Variants in CTNND2 observed in about 807,000 individuals in gnomAD.
The protein encoded by CTNND2 is catenin delta-2.
In CTNND2, 22 loss-of-function variants were observed where a neutral mutation model predicts 144.4. The observed-to-expected ratio is 0.15, with a 90% CI of 0.11 to 0.22. The LOEUF (loss-of-function observed/expected upper bound fraction) is 0.22. Ranked by LOEUF, CTNND2 falls within the 10% of genes least tolerant of loss-of-function variation. The pLI, the probability that CTNND2 is intolerant of heterozygous loss-of-function variation, is 1.00. For synonymous variants in CTNND2, 751 were observed against 695.6 expected (o/e 1.08, Z -1.25); for missense variants, 1,353 against 1,618.8 (o/e 0.84, Z 2.82).
At position 11,513,966 on chromosome 5, in the gene CTNND2, C is replaced by G. The variant is rs182151792; in HGVS notation, c.287+50978G>C. ...CTATATATTTATAATTTTAAAAAAT[C>G]TAACAAGAAATGGGCCAGCCTGGGC... On this transcript the variant is annotated intron_variant, in intron 3 of 21. Coordinates refer to ENST00000304623, the MANE Select transcript of CTNND2 (RefSeq NM_001332.4). Among the ~76,000 whole-genome samples, 343 of 152,166 alleles carry G rather than the reference C, an allele frequency of 2.3e-3. 2 individuals carry two copies. The highest frequency in any genetic ancestry group is 7.9e-3 in the African/African-American group (326 of 41,510).
At position 11,594,280 on chromosome 5, in the gene CTNND2, C is replaced by T. The variant is rs570084992; in HGVS notation, c.175-29224G>A. Among the ~76,000 whole-genome samples the T allele has an allele frequency of 4.1e-4, 62 of 152,316 alleles. 3 individuals are homozygous for T. The South Asian group carries it at 0.013, about 31-fold the overall frequency. ...TCTCACACACATAACAGTGAGCAAG[C>T]TGCATTTGCTGGAATATATTAGGCT... is the stretch of plus-strand genomic sequence containing the variant. On this transcript the variant is annotated intron_variant, in intron 2 of 21. Transcript: ENST00000304623.
chr5:11,812,803 T>G (rs1340693764), intron 1 of CTNND2, among the ~76,000 whole-genome samples: 1 of 152,100 alleles, frequency 6.6e-6, no homozygotes, highest in Non-Finnish European at 1.5e-5. Context: ...GAGGACACAG[T>G]GCTGGGAACC....
intron 2 of CTNND2, among the ~76,000 whole-genome samples, chr5:11,721,034 T>C (rs1786647293): frequency 6.6e-6 from 1 of 152,178 alleles, no homozygotes; most frequent in South Asian, 2.1e-4. Flanking sequence ...AGCAACACTA[T>C]TCCCAATAGA....
intron 12 of CTNND2, among the ~76,000 whole-genome samples, chr5:11,141,626 G>A (rs780269544): frequency 1.3e-5 from 2 of 152,156 alleles, no homozygotes; most frequent in Non-Finnish European, 2.9e-5. Context: ...AGCTGGCAAA[G>A]GGAGAAAAAA....
At chr5:11,554,918 T>A (rs377370496) in intron 3 of CTNND2, among the ~76,000 whole-genome samples, 1 of 146,112 alleles carries the variant, frequency 6.8e-6, no homozygotes, top group African/African-American at 2.5e-5. Flanking sequence ...ATTATATATA[T>A]AAATATATCT....
At chr5:11,734,226 G>C (rs1234013816) in intron 1 of CTNND2, among the ~76,000 whole-genome samples, 2 of 152,176 alleles carry the variant, frequency 1.3e-5, no homozygotes, top group Non-Finnish European at 2.9e-5. Context: ...CAAGAGAGCA[G>C]CCATGACCTT....
At chr5:11,770,906 G>A (rs376567581) in intron 1 of CTNND2, among the ~76,000 whole-genome samples, 9 of 152,026 alleles carry the variant, frequency 5.9e-5, no homozygotes, top group African/African-American at 1.9e-4. Context: ...AAAAAGGAGG[G>A]GGGGACTAGT....
At chr5:11,574,022 T>G (rs1777777016) in intron 2 of CTNND2, among the ~76,000 whole-genome samples, 1 of 152,156 alleles carries the variant, frequency 6.6e-6, no homozygotes, top group Admixed American at 6.5e-5. Flanking sequence ...AGTAGCAATA[T>G]TATATGGGTG....
At chr5:11,570,133 C>T (rs761099175) in intron 2 of CTNND2, among the ~76,000 whole-genome samples, 13 of 152,138 alleles carry the variant, frequency 8.5e-5, no homozygotes, top group Non-Finnish European at 1.6e-4. Flanking sequence ...TATCAAACCC[C>T]AAACTCCTCC....
intron 3 of CTNND2, among the ~76,000 whole-genome samples, chr5:11,412,541 TTAAG>T: frequency 6.6e-6 from 1 of 152,214 alleles, no homozygotes; most frequent in South Asian, 2.1e-4. Flanking sequence ...ATTTAAGAGT[TTAAG>T]TAATTTAAAA....
At chr5:11,564,864 G>T (rs1776950334) in intron 3 of CTNND2, 80 bp downstream of exon 3, 4 of 916,094 alleles carry the variant, frequency 4.4e-6, no homozygotes, top group Non-Finnish European at 7.0e-6. Flanking sequence ...TCCACCACCG[G>T]GTTGGAAAGA....
At chr5:11,709,417 C>T (rs1379400067) in intron 2 of CTNND2, among the ~76,000 whole-genome samples, 1 of 152,228 alleles carries the variant, frequency 6.6e-6, no homozygotes, top group Non-Finnish European at 1.5e-5. Context: ...CTCAACTATA[C>T]TGTGACATGG....
At chr5:11,603,204 T>C (rs896542523) in intron 2 of CTNND2, among the ~76,000 whole-genome samples, 35 of 152,290 alleles carry the variant, frequency 2.3e-4, no homozygotes, top group African/African-American at 7.9e-4. Flanking sequence ...TAAATGCCAT[T>C]GCTTCGTAAA....
intron 2 of CTNND2, among the ~76,000 whole-genome samples, chr5:11,681,200 G>A (rs1033342290): frequency 6.6e-6 from 1 of 152,136 alleles, no homozygotes; most frequent in Admixed American, 6.5e-5. Flanking sequence ...AAAACCAAAG[G>A]AGAATAACAT....
At chr5:11,570,927 CTCTTGTAT>C (rs1483762056) in intron 2 of CTNND2, among the ~76,000 whole-genome samples, 1 of 152,040 alleles carries the variant, frequency 6.6e-6, no homozygotes, top group Non-Finnish European at 1.5e-5. Flanking sequence ...TAGTCTTCTT[CTCTTGTAT>C]TATTCTGTTT....
chr5:11,246,614 C>T (rs761383457), intron 9 of CTNND2, among the ~76,000 whole-genome samples: 5 of 150,472 alleles, frequency 3.3e-5, no homozygotes, highest in African/African-American at 1.2e-4. Context: ...TTGGGCCACC[C>T]AGTTGGTGGT....
intron 10 of CTNND2, among the ~76,000 whole-genome samples, chr5:11,204,619 T>C (rs1737849658): frequency 6.6e-6 from 1 of 152,194 alleles, no homozygotes; most frequent in South Asian, 2.1e-4. Context: ...TAGCATATAT[T>C]TGCCAATGAA....
intron 3 of CTNND2, among the ~76,000 whole-genome samples, chr5:11,557,874 A>T (rs1776356976): frequency 1.3e-5 from 2 of 152,180 alleles, no homozygotes; most frequent in African/African-American, 4.8e-5. Flanking sequence ...GAGTTATTGA[A>T]GAGACATACA....
intron 15 of CTNND2, among the ~76,000 whole-genome samples, chr5:11,089,480 C>T (rs1001052907): frequency 3.3e-5 from 5 of 152,042 alleles, no homozygotes; most frequent in South Asian, 4.1e-4. Flanking sequence ...GGGAAGAGAC[C>T]GAGTCATATT....
Sources: gnomAD v4.1 joint callset for allele counts (sites outside exome capture counted in the v4.1 genomes callset) on GRCh38, gnomAD v4.1.1 for gene constraint, MANE v1.5 for transcripts, NCBI Gene and HGNC (gene_info 2026-07-23, HGNC 2026-07-21) for gene names.